The following APOM variants were observed in gnomAD, a reference collection of about 807,000 sequenced individuals.
APOM encodes the protein NG20-like protein.
In APOM, 24 loss-of-function variants were observed where a neutral mutation model predicts 23.5. The observed-to-expected ratio is 1.02, with a 90% confidence interval of 0.74 to 1.44. The LOEUF (loss-of-function observed/expected upper bound fraction) is 1.44, where lower values mean the gene tolerates loss of function less well. Among genes scored for constraint, APOM ranks in the 40% most tolerant of loss-of-function variants. The probability of loss-of-function intolerance (pLI) is 0.00; values close to 1 mark genes in which losing one functional copy is unlikely to be tolerated. For missense variants in APOM, 200 were observed against 233.2 expected, an observed-to-expected ratio of 0.86 and a Z score of 0.93; for synonymous variants, 82 against 84.1, an observed-to-expected ratio of 0.97 and a Z score of 0.14.
chr6:31,658,210 A>C lies in APOM; in HGVS notation c.*121A>C. On this transcript the variant is annotated 3_prime_UTR_variant, in exon 6 of 6. Coordinates refer to ENST00000375916, the MANE Select transcript of APOM (RefSeq NM_019101.3). ...TAATAAAGATAATTTTTCAATCCTC[A>C]TCTCATTCTGGGGTTTGTCTCCAGA... 8.4e-7 allele frequency: 1 copy of C among 1,197,412 alleles called. No homozygotes were observed. The highest frequency in any genetic ancestry group is 1.2e-6 in the Non-Finnish European group (1 of 808,690). 74.2% of individuals were successfully genotyped at this position (1,197,412 alleles called of 1,614,324 possible). A position where few individuals can be genotyped will look rare whatever the true frequency, so the allele number is the denominator to read the frequency against.
At chr6:31,653,437 G>C (rs1333168697), upstream of APOM, among the ~76,000 whole-genome samples, 1 of 152,184 alleles carries the variant, frequency 6.6e-6, no homozygotes, top group East Asian at 1.9e-4. Context: ...GGGATTCGTA[G>C]TTTATACCCA....
upstream of APOM, chr6:31,652,528 C>G (rs931615698): frequency 1.3e-5 from 2 of 152,222 alleles, no homozygotes; most frequent in African/African-American, 4.8e-5. Context: ...TGGGGCACGA[C>G]GAGAAAGTCC....
chr6:31,655,852 C>G (rs1412933234), upstream of APOM: 4 of 654,148 alleles, frequency 6.1e-6, no homozygotes, highest in African/African-American at 7.3e-5. Context: ...TACTCATTAG[C>G]AGGTGAAAGG....
Sources: allele counts gnomAD v4.1 joint callset (sites outside exome capture counted in the v4.1 genomes callset), GRCh38; gene constraint gnomAD v4.1.1; transcripts MANE v1.5; gene names NCBI Gene and HGNC (gene_info 2026-07-23, HGNC 2026-07-21).